Variants in ADH6 observed in about 807,000 individuals in gnomAD.
ADH6 encodes alcohol dehydrogenase 6 (class V), also known as alcohol dehydrogenase 6.
Under a neutral mutation model 36.5 loss-of-function variants are expected in ADH6, and 34 were observed. The observed-to-expected ratio is 0.93, with a 90% CI of 0.71 to 1.24. The LOEUF (loss-of-function observed/expected upper bound fraction) is 1.24, where lower values mean the gene tolerates loss of function less well. Ranked by LOEUF, ADH6 falls within the 50% of genes most tolerant of loss-of-function variation. The probability of loss-of-function intolerance (pLI) is 0.00; values close to 1 mark genes in which losing one functional copy is unlikely to be tolerated. For missense variants in ADH6, 440 were observed against 447.0 expected (o/e 0.98, Z 0.14); for synonymous variants, 161 against 155.5 (o/e 1.04, Z -0.26).
chr4:99,208,643 A>T, intron 6 of ADH6, 25 bp downstream of exon 6: 1 of 1,589,494 alleles, frequency 6.3e-7, no homozygotes, highest in Non-Finnish European at 8.6e-7. Context: ...AGTATTGGTA[A>T]TTTTCACTCC....
chr4:99,216,350 A>C, intron 1 of ADH6, 88 bp from the exon 2 acceptor site: 1 of 746,412 alleles, frequency 1.3e-6, no homozygotes, highest in Non-Finnish European at 2.0e-6. Context: ...AGAATCATTA[A>C]ATTGGATTAG....
At chr4:99,206,768 T>C (rs1486618376) in intron 7 of ADH6, among the ~76,000 whole-genome samples, 1 of 152,074 alleles carries the variant, frequency 6.6e-6, no homozygotes, top group Non-Finnish European at 1.5e-5. Flanking sequence ...TCTGGATAAA[T>C]ACATTTCTTC....
chr4:99,209,036 T>C (rs967443802), intron 5 of ADH6, 108 bp from the exon 6 acceptor site: 38 of 1,205,392 alleles, frequency 3.2e-5, no homozygotes, highest in Non-Finnish European at 4.1e-5. Flanking sequence ...TAACGAGTCA[T>C]AAGCAAATGA....
chr4:99,205,579 T>C (rs1413484171), intron 7 of ADH6, among the ~76,000 whole-genome samples: 1 of 152,044 alleles, frequency 6.6e-6, no homozygotes, highest in African/African-American at 2.4e-5. Flanking sequence ...CAAAGCAATA[T>C]AAGAATAAAA....
rs1052721799 is a variant in ADH6, at chr4:99,213,752, A to G, written c.121-5T>C. The G allele has an allele frequency of 4.4e-6, 7 of 1,599,912 alleles. No individual in the cohort carries two copies. Among genetic ancestry groups the G allele is most frequent in the Non-Finnish European group, 4.3e-6 (5 of 1,174,764 alleles). ...ACACAGTCCGGTGGCCACAACCTGT[A>G]TGGAAGGCAAAGGGTACTGCAGTTC... is the stretch of plus-strand genomic sequence containing the variant. On this transcript the variant is annotated splice_polypyrimidine_tract_variant and splice_region_variant and intron_variant, in intron 2 of 8. Coordinates refer to ENST00000394899, the MANE Select transcript of ADH6 (RefSeq NM_001102470.2).
Position 99,208,906 on chromosome 4 carries a change from G to A in ADH6, c.590C>T (p.Ala197Val). 1 of 1,613,506 alleles carries A rather than the reference G, an allele frequency of 6.2e-7. No individual in the cohort carries two copies. Among genetic ancestry groups the A allele is most frequent in the Non-Finnish European group, 8.5e-7 (1 of 1,179,684 alleles). ...TAKVTPGSTC[A>V]VFGLGGVGLS... The stretch of plus-strand genomic sequence containing the variant: ...GCCGACTCCTCCCAGGCCAAACACA[G>A]CACAGGTAGAACCTGGAGTCACCTA... Residue 197 changes from alanine (A) to valine (V), a missense_variant, in exon 6 of 9, where the codon GCT becomes GTT. Physicochemically the swap from Ala to Val is moderately conservative, Grantham distance 64. Transcript: ENST00000394899.
intron 7 of ADH6, among the ~76,000 whole-genome samples, chr4:99,205,932 C>T (rs2110542098): frequency 6.6e-6 from 1 of 152,216 alleles, no homozygotes; most frequent in East Asian, 1.9e-4. Flanking sequence ...ACAAACTCTT[C>T]TAATAGATTT....
In ADH6 at chr4:99,204,168, G is replaced by C; in HGVS notation, c.*51C>G. 6.4e-7 allele frequency: 1 copy of C among 1,553,384 alleles called. No individual in the cohort carries two copies. Among genetic ancestry groups the C allele is most frequent in the Admixed American group, 1.9e-5 (1 of 53,218 alleles). On this transcript the variant is annotated 3_prime_UTR_variant, in exon 9 of 9. Coordinates refer to ENST00000394899, the MANE Select transcript of ADH6 (RefSeq NM_001102470.2). ...CTAAATCATGAAAATTACATCAAAT[G>C]CCATTGAGTTGGTGAAATATCCTTT... is the stretch of plus-strand genomic sequence containing the variant.
At chr4:99,219,101 T>C (rs769756085) in intron 1 of ADH6, 34 bp downstream of exon 1, 2 of 1,602,070 alleles carry the variant, frequency 1.2e-6, no homozygotes, top group South Asian at 1.1e-5. Flanking sequence ...CTGACAAAGA[T>C]ATGACACAAC....
At chr4:99,218,676 T>C (rs908693936) in intron 1 of ADH6, among the ~76,000 whole-genome samples, 2 of 152,202 alleles carry the variant, frequency 1.3e-5, no homozygotes, top group African/African-American at 4.8e-5. Context: ...TTACTCCTTA[T>C]GTTGTTTTAT....
At chr4:99,206,906 A>G (rs1731056671) in intron 7 of ADH6, among the ~76,000 whole-genome samples, 2 of 152,168 alleles carry the variant, frequency 1.3e-5, no homozygotes, top group Non-Finnish European at 2.9e-5. Context: ...CAGGTAAAAA[A>G]CAGAAAATCA....
At chr4:99,204,724 CT>C in intron 8 of ADH6, 200 bp downstream of exon 8, 1 of 1,271,954 alleles carries the variant, frequency 7.9e-7, no homozygotes. Flanking sequence ...CACTTAAATA[CT>C]TTCAGGATTA....
At position 99,204,925 on chromosome 4, in the gene ADH6, C is replaced by T; in HGVS notation, c.1103G>A (p.Cys368Tyr). 6.2e-7 allele frequency: 1 copy of T among 1,604,574 alleles called. No homozygotes were observed. Among genetic ancestry groups the T allele is most frequent in the Non-Finnish European group, 8.5e-7 (1 of 1,175,870 alleles). ...CATAAAATTTATGTGGGCAGTTTAC[C>T]ATTTTCCAGTTTTCATTAATTCAAC... ...EAVELMKTGK[C>Y]IRCILLL The change falls in exon 8 of 9, where the codon TGT (cysteine) becomes TAT (tyrosine). Residue 368 changes from cysteine to tyrosine, a missense_variant and splice_region_variant. By Grantham distance (194) the Cys-to-Tyr change is radical (BLOSUM62 -2). Transcript: ENST00000394899.
chr4:99,216,182 C>T lies in ADH6; in HGVS notation c.99G>A (p.Lys33=), dbSNP rs755474599. ...SIEEVEVAPP[K]AKEVRIKVVA... is the part of the protein sequence containing the mutation. ...TTACCTTTATGCGAACTTCCTTTGC[C>T]TTTGGTGGGGCCACTTCTACCTCTT... Residue 33 remains lysine, a synonymous_variant, in exon 2 of 9, where the codon AAG becomes AAA. Coordinates refer to ENST00000394899, the MANE Select transcript of ADH6 (RefSeq NM_001102470.2). 1.0e-5 allele frequency: 14 copies of T among 1,389,008 alleles called. No individual in the cohort carries two copies. The Admixed American group carries it at 2.7e-4, about 27-fold the overall frequency. The allele number at this position is 1,389,008 out of a possible 1,614,324, so 86.0% of individuals were successfully genotyped here.
chr4:99,207,946 T>C (rs1257751710), intron 6 of ADH6, among the ~76,000 whole-genome samples: 1 of 152,134 alleles, frequency 6.6e-6, no homozygotes, highest in Non-Finnish European at 1.5e-5. Flanking sequence ...CAGATATTTA[T>C]ATAATAAGAT....
Position 99,202,898 on chromosome 4 carries a change from T to C in ADH6, c.*1321A>G. On this transcript the variant is annotated 3_prime_UTR_variant, in exon 9 of 9. Transcript: ENST00000394899. The stretch of plus-strand genomic sequence containing the variant: ...CCATCCCAAGTCCAGAGTGAATAGG[T>C]TTCATAGCACCCATCTCCTCTATTT... The C allele has an allele frequency of 2.5e-6, 1 of 396,368 alleles. No individual in the cohort carries two copies. Among genetic ancestry groups the C allele is most frequent in the African/African-American group, 2.1e-5 (1 of 48,518 alleles). The allele number at this position is 396,368 out of a possible 1,614,324, so 24.6% of individuals were successfully genotyped here. A position where few individuals can be genotyped will look rare whatever the true frequency, so the allele number is the denominator to read the frequency against.
intron 1 of ADH6, 127 bp downstream of exon 1, chr4:99,219,002 GAGATAC>G (rs889877235): frequency 1.4e-5 from 11 of 808,698 alleles, no homozygotes; most frequent in Non-Finnish European, 2.1e-5. Context: ...AGGAGGAGGA[GAGATAC>G]TATGATTATG....
Position 99,204,164 on chromosome 4 carries a change from A to G in ADH6, c.*55T>C. On this transcript the variant is annotated 3_prime_UTR_variant, in exon 9 of 9. Coordinates refer to ENST00000394899, the MANE Select transcript of ADH6 (RefSeq NM_001102470.2). Reference sequence around the variant, plus strand: ...TCTTCTAAATCATGAAAATTACATCAAATGCCATTGAGTTGGTGAAATATC... The same window carrying G: ...TCTTCTAAATCATGAAAATTACATCGAATGCCATTGAGTTGGTGAAATATC... 1 of 1,549,634 alleles carries G rather than the reference A, an allele frequency of 6.5e-7. No homozygotes were observed. Among genetic ancestry groups the G allele is most frequent in the Non-Finnish European group, 8.7e-7 (1 of 1,145,262 alleles).
At chr4:99,217,184 C>A (rs1027570220) in intron 1 of ADH6, among the ~76,000 whole-genome samples, 1 of 152,076 alleles carries the variant, frequency 6.6e-6, no homozygotes. Flanking sequence ...TACAGGCGCC[C>A]ACCACCACGC....
Sources: allele counts gnomAD v4.1 joint callset (sites outside exome capture counted in the v4.1 genomes callset), GRCh38; gene constraint gnomAD v4.1.1; transcripts MANE v1.5; gene names NCBI Gene and HGNC (gene_info 2026-07-23, HGNC 2026-07-21).